The following SORCS3 variants were observed in gnomAD, a reference collection of about 807,000 sequenced individuals.
SORCS3 encodes sortilin related VPS10 domain containing receptor 3.
In SORCS3, 57 loss-of-function variants were observed where a neutral mutation model predicts 146.3. The ratio of observed to expected loss-of-function variants is 0.39; its 90% CI spans 0.31 to 0.49. The LOEUF is 0.49. Ranked by LOEUF, SORCS3 falls within the 20% of genes least tolerant of loss-of-function variation. The pLI, the probability that SORCS3 is intolerant of heterozygous loss-of-function variation, is 0.92. For synonymous variants in SORCS3, 653 were observed against 618.5 expected, an observed-to-expected ratio of 1.06 and a Z score of -0.83; for missense variants, 1,341 against 1,575.5, an observed-to-expected ratio of 0.85 and a Z score of 2.52.
chr10:104,971,397 A>C (rs762246897), intron 3 of SORCS3, among the ~76,000 whole-genome samples: 6 of 152,250 alleles, frequency 3.9e-5, no homozygotes, highest in Non-Finnish European at 1.5e-5. Context: ...AGTAAAATAC[A>C]CTGTCCTCAC....
At chr10:104,908,020 C>G (rs2018926607) in intron 2 of SORCS3, among the ~76,000 whole-genome samples, 6 of 152,242 alleles carry the variant, frequency 3.9e-5, no homozygotes, top group Admixed American at 3.3e-4. Flanking sequence ...TCACAACTCT[C>G]TGAGAAGTCT....
chr10:104,936,178 A>G (rs1481783058), intron 3 of SORCS3, among the ~76,000 whole-genome samples: 1 of 152,220 alleles, frequency 6.6e-6, no homozygotes, highest in African/African-American at 2.4e-5. Context: ...TGATAGAATG[A>G]TTAAAGATTA....
chr10:104,769,747 G>A (rs1293328152), intron 1 of SORCS3, among the ~76,000 whole-genome samples: 1 of 152,104 alleles, frequency 6.6e-6, no homozygotes, highest in Non-Finnish European at 1.5e-5. Context: ...CTGACTCTGA[G>A]GCTTAAGTGT....
intron 12 of SORCS3, among the ~76,000 whole-genome samples, chr10:105,166,806 A>G (rs556403229): frequency 4.5e-4 from 69 of 152,234 alleles, no homozygotes; most frequent in Admixed American, 2.8e-3. Flanking sequence ...ATTGTCTTTT[A>G]AGTTCCTAGA....
chr10:104,825,020 C>T (rs2017918801), intron 1 of SORCS3, among the ~76,000 whole-genome samples: 1 of 152,220 alleles, frequency 6.6e-6, no homozygotes, highest in African/African-American at 2.4e-5. Flanking sequence ...CGTGTCCACA[C>T]AAAGCAAGCA....
chr10:105,096,867 A>C (rs917731423), intron 6 of SORCS3, among the ~76,000 whole-genome samples: 1 of 152,240 alleles, frequency 6.6e-6, no homozygotes, highest in African/African-American at 2.4e-5. Flanking sequence ...TATGAATGAA[A>C]AATTGTTCCT....
intron 1 of SORCS3, among the ~76,000 whole-genome samples, chr10:104,824,156 G>A (rs1055072598): frequency 2.6e-5 from 4 of 152,160 alleles, no homozygotes; most frequent in African/African-American, 9.7e-5. Flanking sequence ...ACTGTGAAAT[G>A]ATACATTTGT....
At chr10:105,235,873 T>G (rs2056790532) in intron 20 of SORCS3, among the ~76,000 whole-genome samples, 1 of 152,134 alleles carries the variant, frequency 6.6e-6, no homozygotes, top group Admixed American at 6.6e-5. Context: ...AATGCCTATC[T>G]CAACTTTATT....
chr10:105,079,661 T>G (rs920592492), intron 5 of SORCS3, among the ~76,000 whole-genome samples: 1 of 152,160 alleles, frequency 6.6e-6, no homozygotes, highest in African/African-American at 2.4e-5. Flanking sequence ...ACAGATTATT[T>G]TGTCACTCAG....
At chr10:104,912,002 C>T (rs2018974152) in intron 2 of SORCS3, among the ~76,000 whole-genome samples, 1 of 152,218 alleles carries the variant, frequency 6.6e-6, no homozygotes, top group Non-Finnish European at 1.5e-5. Context: ...CCACTGACCT[C>T]TCCTCTGCCT....
chr10:104,779,170 C>T (rs1384504082), intron 1 of SORCS3, among the ~76,000 whole-genome samples: 2 of 152,242 alleles, frequency 1.3e-5, no homozygotes, highest in Non-Finnish European at 2.9e-5. Flanking sequence ...AGCCTCCAGA[C>T]AGAGCCAGCC....
chr10:105,040,962 CTAAATATATATATTTAGCATATA>C (rs1196473845), intron 4 of SORCS3, among the ~76,000 whole-genome samples: 1 of 147,052 alleles, frequency 6.8e-6, no homozygotes, highest in East Asian at 2.0e-4. Flanking sequence ...AATGAATATG[CTAAATATATATATTTAGCATATA>C]TAAATATATA....
intron 4 of SORCS3, among the ~76,000 whole-genome samples, chr10:105,001,905 A>G (rs571324904): frequency 6.6e-6 from 1 of 152,208 alleles, no homozygotes; most frequent in African/African-American, 2.4e-5. Context: ...GACTCAAATT[A>G]TCAGAGCTAG....
At chr10:105,016,134 A>AT (rs2055164499) in intron 4 of SORCS3, among the ~76,000 whole-genome samples, 1 of 113,694 alleles carries the variant, frequency 8.8e-6, no homozygotes, top group Non-Finnish European at 1.7e-5. Context: ...ATATTATATA[A>AT]ATATATATAT....
At chr10:104,887,969 G>GGGGT (rs2018707619) in intron 2 of SORCS3, among the ~76,000 whole-genome samples, 1 of 73,672 alleles carries the variant, frequency 1.4e-5, no homozygotes, top group African/African-American at 8.5e-5. Context: ...CGGGGGGGCG[G>GGGGT]GGGCGGAGCA....
At chr10:104,749,394 T>C (rs1370481879) in intron 1 of SORCS3, among the ~76,000 whole-genome samples, 6 of 152,150 alleles carry the variant, frequency 3.9e-5, no homozygotes, top group Non-Finnish European at 8.8e-5. Context: ...TCCTAGTTCC[T>C]TTTCTTTTTA....
chr10:105,079,900 T>C (rs1455704101), intron 5 of SORCS3, among the ~76,000 whole-genome samples: 1 of 152,224 alleles, frequency 6.6e-6, no homozygotes, highest in African/African-American at 2.4e-5. Context: ...TGTTCTTTTT[T>C]ATGGCTGCAT....
At chr10:104,960,705 G>T (rs536061764) in intron 3 of SORCS3, among the ~76,000 whole-genome samples, 4 of 152,216 alleles carry the variant, frequency 2.6e-5, no homozygotes, top group East Asian at 3.9e-4. Flanking sequence ...GCCACGTAGG[G>T]TATTAAATTT....
At chr10:105,222,371 T>TAACAC (rs2056709284) in intron 19 of SORCS3, among the ~76,000 whole-genome samples, 4 of 152,156 alleles carry the variant, frequency 2.6e-5, no homozygotes, top group Non-Finnish European at 4.4e-5. Context: ...TTAACACTGT[T>TAACAC]TCATCAGCTT....
Sources: gnomAD v4.1 joint callset for allele counts (sites outside exome capture counted in the v4.1 genomes callset) on GRCh38, gnomAD v4.1.1 for gene constraint, MANE v1.5 for transcripts, NCBI Gene and HGNC (gene_info 2026-07-23, HGNC 2026-07-21) for gene names.